Variants in FTO observed in about 807,000 individuals in gnomAD.
FTO encodes alpha-ketoglutarate-dependent dioxygenase FTO.
A neutral mutation model predicts 63.9 loss-of-function variants in FTO; 47 were observed. The ratio of observed to expected loss-of-function variants is 0.74; its 90% CI spans 0.58 to 0.94. The LOEUF (loss-of-function observed/expected upper bound fraction) is 0.94. FTO is among the 40% of genes least tolerant of loss of function. FTO has a pLI of 0.00. For synonymous variants in FTO, 207 were observed against 224.4 expected, an observed-to-expected ratio of 0.92 and a Z score of 0.69; for missense variants, 562 against 618.1, an observed-to-expected ratio of 0.91 and a Z score of 0.96.
intron 6 of FTO, among the ~76,000 whole-genome samples, chr16:53,883,297 T>G (rs1235146284): frequency 6.6e-6 from 1 of 152,130 alleles, no homozygotes; most frequent in South Asian, 2.1e-4. Flanking sequence ...AAAATCACAC[T>G]GTGTATATAA....
intron 4 of FTO, among the ~76,000 whole-genome samples, chr16:53,851,585 T>A (rs2079798360): frequency 6.6e-6 from 1 of 152,218 alleles, no homozygotes. Context: ...CTTTCCCATC[T>A]GGTCCTTTGT....
At chr16:53,979,554 T>TGTGTGTGCGCGC in intron 8 of FTO, 1 of 395,242 alleles carries the variant, frequency 2.5e-6, no homozygotes, top group East Asian at 3.6e-5. Flanking sequence ...TGTGTGTGTG[T>TGTGTGTGCGCGC]GTGTGTGTGT....
chr16:53,741,277 A>G (rs933597992), intron 1 of FTO, among the ~76,000 whole-genome samples: 1 of 152,186 alleles, frequency 6.6e-6, no homozygotes, highest in African/African-American at 2.4e-5. Context: ...CTTGGTCTAT[A>G]CCCTTCAAGA....
intron 7 of FTO, among the ~76,000 whole-genome samples, chr16:53,929,279 T>C (rs572128459): frequency 6.6e-6 from 1 of 152,350 alleles, no homozygotes; most frequent in East Asian, 1.9e-4. Context: ...TCTCTGTCCC[T>C]ACAGTATTGC....
intron 8 of FTO, among the ~76,000 whole-genome samples, chr16:53,947,238 C>A (rs936826559): frequency 1.3e-5 from 2 of 152,190 alleles, no homozygotes; most frequent in Admixed American, 1.3e-4. Flanking sequence ...CAAGTACCTT[C>A]TGCCAATCCC....
intron 8 of FTO, among the ~76,000 whole-genome samples, chr16:54,062,613 G>T (rs1342618338): frequency 6.6e-6 from 1 of 152,146 alleles, no homozygotes; most frequent in African/African-American, 2.4e-5. Flanking sequence ...AGCTCTACCT[G>T]CAGGAGGAGA....
chr16:53,854,723 C>T (rs2079927893), intron 4 of FTO, among the ~76,000 whole-genome samples: 1 of 152,088 alleles, frequency 6.6e-6, no homozygotes, highest in African/African-American at 2.4e-5. Context: ...TGTGATGCCT[C>T]CAGATTTGTT....
At chr16:54,062,929 C>G (rs1393893893) in intron 8 of FTO, among the ~76,000 whole-genome samples, 1 of 152,204 alleles carries the variant, frequency 6.6e-6, no homozygotes, top group East Asian at 1.9e-4. Flanking sequence ...GAGAGATGGA[C>G]TGCAACCCCA....
chr16:54,001,346 C>T (rs1283522271), intron 8 of FTO, among the ~76,000 whole-genome samples: 1 of 152,206 alleles, frequency 6.6e-6, no homozygotes, highest in Admixed American at 6.5e-5. Flanking sequence ...GAAGTCTGTG[C>T]ATGCCTCTCA....
intron 8 of FTO, among the ~76,000 whole-genome samples, chr16:54,074,974 A>C (rs550039257): frequency 2.9e-4 from 43 of 150,262 alleles, no homozygotes; most frequent in African/African-American, 9.9e-4. Context: ...TTAGTTTGAT[A>C]GTTTAGAAAA....
chr16:53,973,691 A>C (rs1332764712), intron 8 of FTO, among the ~76,000 whole-genome samples: 1 of 152,142 alleles, frequency 6.6e-6, no homozygotes, highest in Non-Finnish European at 1.5e-5. Context: ...AGGGAAGTAT[A>C]AAAAATGAAT....
In FTO at chr16:54,090,058, G is replaced by A. The variant is rs76117822; in HGVS notation, c.1365-21704G>A. Among the ~76,000 whole-genome samples, 148 of 151,734 alleles carry A rather than the reference G, an allele frequency of 9.8e-4. 1 individual carries two copies. The highest frequency in any genetic ancestry group is 1.3e-3 in the Non-Finnish European group (85 of 67,910). On this transcript the variant is annotated intron_variant, in intron 8 of 8. Coordinates refer to ENST00000471389, the MANE Select transcript of FTO (RefSeq NM_001080432.3). ...GTATACACAAAAGAATTGAAAGCAGGGACTCAAACAGATACTGTGCATCAG... is the reference window on the plus strand; with the variant it reads ...GTATACACAAAAGAATTGAAAGCAGAGACTCAAACAGATACTGTGCATCAG...
intron 8 of FTO, among the ~76,000 whole-genome samples, chr16:54,050,823 A>G (rs1354542043): frequency 3.9e-5 from 6 of 152,114 alleles, no homozygotes; most frequent in African/African-American, 1.4e-4. Flanking sequence ...TATTTTTTTA[A>G]AGAGGAAAAA....
rs2086980797 is a variant in FTO, at chr16:54,117,384, C to T, written c.*5469C>T. ...CCAAATCACTTAACCCCTCTGCGCT[C>T]CAGTCTTTGTTTCTATAATGGGGAT... On this transcript the variant is annotated 3_prime_UTR_variant, in exon 9 of 9. Transcript: ENST00000471389. The T allele has an allele frequency of 6.6e-6, 1 of 152,152 alleles. No homozygotes were observed. Among genetic ancestry groups the T allele is most frequent in the Non-Finnish European group, 1.5e-5 (1 of 68,034 alleles). The allele number at this position is 152,152 out of a possible 1,614,324, so 9.4% of individuals were successfully genotyped here. A position where few individuals can be genotyped will look rare whatever the true frequency, so the allele number is the denominator to read the frequency against.
intron 1 of FTO, among the ~76,000 whole-genome samples, chr16:53,733,107 A>C (rs2076310981): frequency 6.6e-6 from 1 of 152,234 alleles, no homozygotes; most frequent in Admixed American, 6.5e-5. Context: ...ACTTTTCTAA[A>C]GATGAACTGA....
intron 8 of FTO, among the ~76,000 whole-genome samples, chr16:53,999,221 A>G (rs1047548471): frequency 6.6e-6 from 1 of 152,180 alleles, no homozygotes; most frequent in East Asian, 1.9e-4. Flanking sequence ...GCTTTTGAGA[A>G]CCCGGCTTTT....
At chr16:53,873,645 A>G in intron 4 of FTO, 141 bp from the exon 5 acceptor site, 1 of 652,498 alleles carries the variant, frequency 1.5e-6, no homozygotes, top group South Asian at 1.6e-5. Flanking sequence ...ATTAAAGAAT[A>G]CAAGGTAAGT....
intron 8 of FTO, among the ~76,000 whole-genome samples, chr16:53,961,817 A>T (rs2083087628): frequency 6.6e-6 from 1 of 152,214 alleles, no homozygotes; most frequent in Admixed American, 6.5e-5. Flanking sequence ...AGTGACAGAT[A>T]CTTGGTGGTA....
At chr16:53,814,648 T>C (rs2078623520) in intron 2 of FTO, 1 of 152,502 alleles carries the variant, frequency 6.6e-6, no homozygotes, top group Non-Finnish European at 1.5e-5. Context: ...CCTTCTGAGA[T>C]AACTCTGCTC....
Sources: gnomAD v4.1 joint callset for allele counts (sites outside exome capture counted in the v4.1 genomes callset) on GRCh38, gnomAD v4.1.1 for gene constraint, MANE v1.5 for transcripts, NCBI Gene and HGNC (gene_info 2026-07-23, HGNC 2026-07-21) for gene names.